BRIP1: variants seen among roughly 807,000 people sequenced by gnomAD.
BRIP1 encodes the protein BRCA1 interacting DNA helicase 1.
BRIP1 carries 88 observed loss-of-function variants against 119.7 expected under a neutral mutation model. The ratio of observed to expected loss-of-function variants is 0.74; its 90% confidence interval spans 0.62 to 0.88. The LOEUF is 0.88. Ranked by LOEUF, BRIP1 falls within the 40% of genes least tolerant of loss-of-function variation. The pLI is 0.00. For missense variants in BRIP1, 1,259 were observed against 1,455.4 expected (o/e 0.87, Z 2.20); for synonymous variants, 443 against 496.5 (o/e 0.89, Z 1.43).
intron 13 of BRIP1, among the ~76,000 whole-genome samples, chr17:61,777,477 C>T (rs1018726142): frequency 9.2e-5 from 14 of 152,302 alleles, no homozygotes; most frequent in African/African-American, 3.4e-4. Context: ...GTCCCCAAGA[C>T]TGCCCCTGAT....
rs1236877559 is a variant in BRIP1, at chr17:61,841,295, T to C, written c.627+5806A>G. On this transcript the variant is annotated intron_variant, in intron 6 of 19. Transcript: ENST00000259008. This position sits in a 1 kb window ranked among gnomAD's most constrained non-coding sequence, Gnocchi z 4.1. ...AGACAACCTGTAGAATGGGAGAAAA[T>C]ATTTCCAAACTATTCATCTGAGAAG... Among the ~76,000 whole-genome samples, 1 of 151,252 alleles carries C rather than the reference T, an allele frequency of 6.6e-6. No homozygotes were observed. Among genetic ancestry groups the C allele is most frequent in the Non-Finnish European group, 1.5e-5 (1 of 67,894 alleles).
rs772953115 is a variant in BRIP1, at chr17:61,715,943, C to G, written c.2492+8G>C. The G allele has an allele frequency of 4.5e-6, 7 of 1,540,872 alleles. No homozygotes were observed. In the African/African-American group the frequency reaches 9.5e-5, roughly 21 times the overall value. On this transcript the variant is annotated splice_region_variant and intron_variant, in intron 17 of 19. Transcript: ENST00000259008. ...AGATAATATTATATTAAATTTCACT[C>G]CACTTACCTACCAAGGGCCTGGTTT...
rs1183760376 is a variant in BRIP1 at position 61,708,190 on chromosome 17, T to C, written c.2492+7761A>G. 1.3e-5 allele frequency among the ~76,000 whole-genome samples: 2 copies of C among 152,166 alleles called. No individual in the cohort carries two copies. The highest frequency in any genetic ancestry group is 2.1e-4 in the South Asian group (1 of 4,830). ...ACAATAGTCCCCCACAGCCACAATCTTGCCTATGGTCAAAGTTACTCACGG... is the reference window on the plus strand; with the variant it reads ...ACAATAGTCCCCCACAGCCACAATCCTGCCTATGGTCAAAGTTACTCACGG... On this transcript the variant is annotated intron_variant, in intron 17 of 19. Coordinates refer to ENST00000259008, the MANE Select transcript of BRIP1 (RefSeq NM_032043.3). The surrounding 1 kb of genome is among the most constrained non-coding windows in gnomAD (Gnocchi z 4.4).
At position 61,755,058 on chromosome 17, in the gene BRIP1, A is replaced by C. The variant is rs1265470953; in HGVS notation, c.2098-10467T>G. Among the ~76,000 whole-genome samples, 1 of 152,208 alleles carries C rather than the reference A, an allele frequency of 6.6e-6. No homozygotes were observed. Among genetic ancestry groups the C allele is most frequent in the Non-Finnish European group, 1.5e-5 (1 of 68,036 alleles). The stretch of plus-strand genomic sequence containing the variant: ...TTTTCTGTCTCTCACCCTGGAATAC[A>C]AAAGGACAATGATTTTTGTCTGTTT... On this transcript the variant is annotated intron_variant, in intron 14 of 19. Transcript: ENST00000259008. The surrounding 1 kb of genome is among the most constrained non-coding windows in gnomAD (Gnocchi z 4.5).
At position 61,689,589 on chromosome 17, in the gene BRIP1, G is replaced by T. The variant is rs553773099; in HGVS notation, c.2576-3424C>A. On this transcript the variant is annotated intron_variant, in intron 18 of 19. Transcript: ENST00000259008. The surrounding 1 kb of genome is among the most constrained non-coding windows in gnomAD (Gnocchi z 4.5). ...CAAATACATGAAGCCCAGTGAACCT[G>T]AACAGGATGAACCCAAAAGTCTGTA... 1.2e-4 allele frequency among the ~76,000 whole-genome samples: 18 copies of T among 152,110 alleles called. No homozygotes were observed. Among genetic ancestry groups the T allele is most frequent in the Non-Finnish European group, 2.5e-4 (17 of 68,024 alleles).
intron 6 of BRIP1, among the ~76,000 whole-genome samples, chr17:61,833,432 G>A (rs1603355026): frequency 6.6e-6 from 1 of 152,212 alleles, no homozygotes; most frequent in East Asian, 1.9e-4. Context: ...CACTTTGGGA[G>A]GCCAAGGCAA....
rs1019879896 is a variant in BRIP1, at chr17:61,793,309, A to C, written c.1473+288T>G. On this transcript the variant is annotated intron_variant, in intron 10 of 19. Transcript: ENST00000259008. The surrounding 1 kb of genome is among the most constrained non-coding windows in gnomAD (Gnocchi z 5.2). Reference sequence around the variant, plus strand: ...TCTAAAATTTTAACTTTTACAATTGACTAAGTAAGTCTACAACCTAAAAAT... The same window carrying C: ...TCTAAAATTTTAACTTTTACAATTGCCTAAGTAAGTCTACAACCTAAAAAT... Among the ~76,000 whole-genome samples the C allele has an allele frequency of 6.6e-6, 1 of 152,110 alleles. No individual in the cohort carries two copies. The highest frequency in any genetic ancestry group is 1.5e-5 in the Non-Finnish European group (1 of 67,982).
At chr17:61,786,282 A>G (rs2077706045) in intron 10 of BRIP1, among the ~76,000 whole-genome samples, 1 of 152,002 alleles carries the variant, frequency 6.6e-6, no homozygotes, top group Admixed American at 6.6e-5. Flanking sequence ...TATACTTAAC[A>G]GAAAGTCAAC....
chr17:61,814,611 T>C lies in BRIP1; in HGVS notation c.628-5854A>G, dbSNP rs2078209851. ...TGGAGAGGATATGAAGAAACTCTTA[T>C]TCACTGCTGATCGAAGTATAAATTG... On this transcript the variant is annotated intron_variant, in intron 6 of 19. Transcript: ENST00000259008. This position sits in a 1 kb window ranked among gnomAD's most constrained non-coding sequence, Gnocchi z 4.9. 6.6e-6 allele frequency among the ~76,000 whole-genome samples: 1 copy of C among 152,084 alleles called. No homozygotes were observed. Among genetic ancestry groups the C allele is most frequent in the Admixed American group, 6.6e-5 (1 of 15,252 alleles).
intron 17 of BRIP1, among the ~76,000 whole-genome samples, chr17:61,707,512 C>A (rs1051028821): frequency 6.6e-6 from 1 of 152,042 alleles, no homozygotes; most frequent in Admixed American, 6.6e-5. Flanking sequence ...ATGATCTGAG[C>A]CTTCTATGTA....
chr17:61,728,026 G>A (rs909336142), intron 16 of BRIP1, among the ~76,000 whole-genome samples: 4 of 151,478 alleles, frequency 2.6e-5, no homozygotes, highest in Non-Finnish European at 5.9e-5. Flanking sequence ...ACGGGGTTTC[G>A]CCATGTTGGT....
intron 10 of BRIP1, among the ~76,000 whole-genome samples, chr17:61,787,789 C>G (rs796844860): frequency 1.3e-5 from 2 of 152,078 alleles, no homozygotes; most frequent in South Asian, 4.1e-4. Flanking sequence ...GGACTACAGG[C>G]GCCCGCCACC....
intron 10 of BRIP1, among the ~76,000 whole-genome samples, chr17:61,787,930 C>T (rs1036533327): frequency 6.6e-6 from 1 of 152,196 alleles, no homozygotes; most frequent in Non-Finnish European, 1.5e-5. Context: ...AGGCGTGAGC[C>T]ACTGCGCCTG....
chr17:61,786,776 T>G (rs1603337922), intron 10 of BRIP1, among the ~76,000 whole-genome samples: 1 of 133,728 alleles, frequency 7.5e-6, no homozygotes, highest in African/African-American at 2.8e-5. Context: ...TATTATATAT[T>G]TATATATAAT....
chr17:61,859,049 C>CAAAAAAA (rs34782273), intron 3 of BRIP1, among the ~76,000 whole-genome samples: 1 of 45,138 alleles, frequency 2.2e-5, no homozygotes, highest in Non-Finnish European at 4.7e-5. Context: ...TGACGCCACT[C>CAAAAAAA]AAAAAAAAAA....
In BRIP1 at chr17:61,801,484, A is replaced by C. The variant is rs748497834; in HGVS notation, c.919-10T>G. 3.2e-6 allele frequency: 5 copies of C among 1,568,504 alleles called. No individual in the cohort carries two copies. The highest frequency in any genetic ancestry group is 4.4e-6 in the Non-Finnish European group (5 of 1,138,974). On this transcript the variant is annotated splice_polypyrimidine_tract_variant and intron_variant, in intron 7 of 19. Coordinates refer to ENST00000259008, the MANE Select transcript of BRIP1 (RefSeq NM_032043.3). Reference sequence around the variant, plus strand: ...AATAGCAGGATTTTCCCTAGAAACAAATATGCATAACTGAAATGTGAACCA... The same window carrying C: ...AATAGCAGGATTTTCCCTAGAAACACATATGCATAACTGAAATGTGAACCA...
At chr17:61,821,459 C>T (rs1367608918) in intron 6 of BRIP1, among the ~76,000 whole-genome samples, 1 of 152,000 alleles carries the variant, frequency 6.6e-6, no homozygotes, top group Non-Finnish European at 1.5e-5. Context: ...AGGTTCCCTG[C>T]CTCCAGACCC....
At chr17:61,821,673 G>A (rs932259581) in intron 6 of BRIP1, among the ~76,000 whole-genome samples, 1 of 151,874 alleles carries the variant, frequency 6.6e-6, no homozygotes. Flanking sequence ...GGGACTATAG[G>A]CACATGCTAC....
chr17:61,839,010 A>C (rs773149296), intron 6 of BRIP1, among the ~76,000 whole-genome samples: 1 of 152,142 alleles, frequency 6.6e-6, no homozygotes, highest in Non-Finnish European at 1.5e-5. Context: ...ATTTATAATA[A>C]GTCACTTTGC....
Sources: gnomAD v4.1 joint callset for allele counts (sites outside exome capture counted in the v4.1 genomes callset) on GRCh38, gnomAD v4.1.1 for gene constraint, Gnocchi (gnomAD v3.1) non-coding constraint, MANE v1.5 for transcripts, NCBI Gene and HGNC (gene_info 2026-07-23, HGNC 2026-07-21) for gene names.